Variants in ROCK2 observed in about 807,000 individuals in gnomAD.
ROCK2 encodes the protein Rho associated coiled-coil containing protein kinase 2.
Under a neutral mutation model 195.1 loss-of-function variants are expected in ROCK2, and 61 were observed. The ratio of observed to expected loss-of-function variants is 0.31; its 90% CI spans 0.25 to 0.39. The LOEUF (loss-of-function observed/expected upper bound fraction) is 0.39. Ranked by LOEUF, ROCK2 falls within the 10% of genes least tolerant of loss-of-function variation. ROCK2 has a pLI of 1.00. For missense variants in ROCK2, 1,109 were observed against 1,637.4 expected, an observed-to-expected ratio of 0.68 and a Z score of 5.57; for synonymous variants, 504 against 545.5, an observed-to-expected ratio of 0.92 and a Z score of 1.06.
intron 1 of ROCK2, among the ~76,000 whole-genome samples, chr2:11,330,289 C>T (rs1467623997): frequency 1.3e-5 from 2 of 152,112 alleles, no homozygotes; most frequent in African/African-American, 2.4e-5. Context: ...TTTAAAGATA[C>T]TTTTATTATA....
intron 5 of ROCK2, among the ~76,000 whole-genome samples, chr2:11,230,516 A>C (rs1030283755): frequency 6.6e-6 from 1 of 152,152 alleles, no homozygotes; most frequent in African/African-American, 2.4e-5. Context: ...AGTACTGTCA[A>C]ATGATAGAGA....
At position 11,323,358 on chromosome 2, in the gene ROCK2, T is replaced by C. The variant is rs964232407; in HGVS notation, c.141+20638A>G. Among the ~76,000 whole-genome samples the C allele has an allele frequency of 4.6e-5, 7 of 152,098 alleles. No homozygotes were observed. In the South Asian group the frequency reaches 8.3e-4, roughly 18 times the overall value. Reference sequence around the variant, plus strand: ...TATATCTGCCCTACATATTTCACAATTGTATTAAATGAGAAAACAAATACT... The same window carrying C: ...TATATCTGCCCTACATATTTCACAACTGTATTAAATGAGAAAACAAATACT... On this transcript the variant is annotated intron_variant, in intron 1 of 32. Coordinates refer to ENST00000315872, the MANE Select transcript of ROCK2 (RefSeq NM_004850.5).
intron 3 of ROCK2, among the ~76,000 whole-genome samples, chr2:11,262,491 G>C (rs576589636): frequency 1.3e-5 from 2 of 152,282 alleles, no homozygotes; most frequent in Admixed American, 6.5e-5. Flanking sequence ...TTGTGGGAGG[G>C]ACCCAGTGGG....
intron 1 of ROCK2, among the ~76,000 whole-genome samples, chr2:11,324,926 T>C (rs1351185913): frequency 6.6e-6 from 1 of 151,562 alleles, no homozygotes; most frequent in African/African-American, 2.4e-5. Context: ...ATTACCATTT[T>C]TCCATTAGCC....
chr2:11,197,041 T>C lies in ROCK2; in HGVS notation c.3448+139A>G, dbSNP rs1300116127. 1 of 466,380 alleles carries C rather than the reference T, an allele frequency of 2.1e-6. No individual in the cohort carries two copies. Among genetic ancestry groups the C allele is most frequent in the African/African-American group, 2.0e-5 (1 of 49,538 alleles). The allele number at this position is 466,380 out of a possible 1,614,324, so 28.9% of individuals were successfully genotyped here. A position where few individuals can be genotyped will look rare whatever the true frequency, so the allele number is the denominator to read the frequency against. On this transcript the variant is annotated intron_variant, in intron 27 of 32. Transcript: ENST00000315872. The surrounding 1 kb of genome is among the most constrained non-coding windows in gnomAD (Gnocchi z 4.9). ...AATAAAATAAGTTTGAAATGTTACT[T>C]GAATCCTTACTCCAAGGAGTAGGTT...
chr2:11,255,264 A>C (rs1665988890), intron 3 of ROCK2, among the ~76,000 whole-genome samples: 1 of 150,350 alleles, frequency 6.7e-6, no homozygotes, highest in Non-Finnish European at 1.5e-5. Flanking sequence ...ATCTTTCCAC[A>C]CATCTACATT....
chr2:11,340,354 A>C lies in ROCK2; in HGVS notation c.141+3642T>G, dbSNP rs1412382755. Among the ~76,000 whole-genome samples, 4 of 152,336 alleles carry C rather than the reference A, an allele frequency of 2.6e-5. No individual in the cohort carries two copies. In the East Asian group the frequency reaches 7.7e-4, roughly 29 times the overall value. On this transcript the variant is annotated intron_variant, in intron 1 of 32. Coordinates refer to ENST00000315872, the MANE Select transcript of ROCK2 (RefSeq NM_004850.5). ...ATGTTATCATCAAATACATTTTACC[A>C]AAAACTGGGTTTTTTATATATCAAA...
intron 1 of ROCK2, among the ~76,000 whole-genome samples, chr2:11,333,605 T>C (rs536341067): frequency 8.6e-4 from 131 of 152,324 alleles, no homozygotes; most frequent in African/African-American, 3.1e-3. Flanking sequence ...GCTTAATACC[T>C]GACAAATTCT....
chr2:11,259,830 G>A (rs1427562944), intron 3 of ROCK2, among the ~76,000 whole-genome samples: 2 of 151,256 alleles, frequency 1.3e-5, no homozygotes, highest in East Asian at 1.9e-4. Flanking sequence ...TAAATGCAAA[G>A]AGCCAAGTAA....
At chr2:11,255,012 T>C (rs2148135544) in intron 3 of ROCK2, among the ~76,000 whole-genome samples, 1 of 151,860 alleles carries the variant, frequency 6.6e-6, no homozygotes, top group East Asian at 1.9e-4. Context: ...GGTCAGGAGA[T>C]TGAGACCATC....
At chr2:11,294,122 A>C (rs1408915488) in intron 1 of ROCK2, among the ~76,000 whole-genome samples, 3 of 152,040 alleles carry the variant, frequency 2.0e-5, no homozygotes, top group African/African-American at 7.2e-5. Context: ...GTGCCACTGC[A>C]CTCCAGCCTG....
chr2:11,312,780 A>G (rs1440586260), intron 1 of ROCK2, among the ~76,000 whole-genome samples: 4 of 152,140 alleles, frequency 2.6e-5, no homozygotes, highest in Non-Finnish European at 4.4e-5. Context: ...ATGGAATATT[A>G]TTCAGCAATA....
chr2:11,198,615 T>A lies in ROCK2; in HGVS notation c.3005-30A>T, dbSNP rs137882883. 7 of 1,588,854 alleles carry A rather than the reference T, an allele frequency of 4.4e-6. No individual in the cohort carries two copies. The African/African-American group carries it at 6.7e-5, about 15-fold the overall frequency. On this transcript the variant is annotated intron_variant, in intron 24 of 32. Coordinates refer to ENST00000315872, the MANE Select transcript of ROCK2 (RefSeq NM_004850.5). ...AACATGGAAAAAAGTTAAAATTACATTGGTAATTACAGCAGCTGATAAACA... is the reference window on the plus strand; with the variant it reads ...AACATGGAAAAAAGTTAAAATTACAATGGTAATTACAGCAGCTGATAAACA...
chr2:11,332,944 ATAT>A (rs1668814799), intron 1 of ROCK2, among the ~76,000 whole-genome samples: 1 of 152,222 alleles, frequency 6.6e-6, no homozygotes, highest in Non-Finnish European at 1.5e-5. Flanking sequence ...GATTCCACTT[ATAT>A]GGAATTTACA....
intron 20 of ROCK2, among the ~76,000 whole-genome samples, chr2:11,205,160 C>G (rs1277154725): frequency 6.6e-6 from 1 of 152,164 alleles, no homozygotes; most frequent in Non-Finnish European, 1.5e-5. Flanking sequence ...CCCAATTACT[C>G]TGTAGAGGAG....
chr2:11,305,443 G>C (rs905444672), intron 1 of ROCK2, among the ~76,000 whole-genome samples: 12 of 62,990 alleles, frequency 1.9e-4, no homozygotes, highest in African/African-American at 5.9e-4. Context: ...CTGTGTGGGT[G>C]TACACACACA....
At chr2:11,344,920 C>G (rs1286730345), upstream of ROCK2, among the ~76,000 whole-genome samples, 2 of 135,666 alleles carry the variant, frequency 1.5e-5, no homozygotes. This position sits in a 1 kb window ranked among gnomAD's most constrained non-coding sequence, Gnocchi z 5.4. Context: ...CGGGTCCTTC[C>G]GCGCGCCCCC....
rs139971476 is a variant in ROCK2 at position 11,180,701 on chromosome 2, C to T, written c.*2736G>A. On this transcript the variant is annotated 3_prime_UTR_variant, in exon 33 of 33. Coordinates refer to ENST00000315872, the MANE Select transcript of ROCK2 (RefSeq NM_004850.5). ...GAGAAATCAGGTGTGAAGGAACAAGCAAATTTTAGTCTTATATTTATCTTG... is the reference window on the plus strand; with the variant it reads ...GAGAAATCAGGTGTGAAGGAACAAGTAAATTTTAGTCTTATATTTATCTTG... 1.3e-5 allele frequency: 2 copies of T among 152,034 alleles called. No individual in the cohort carries two copies. The highest frequency in any genetic ancestry group is 4.8e-5 in the African/African-American group (2 of 41,398). 9.4% of individuals were successfully genotyped at this position (152,034 alleles called of 1,614,324 possible).
intron 32 of ROCK2, among the ~76,000 whole-genome samples, chr2:11,187,740 G>C (rs531290170): frequency 2.0e-4 from 30 of 152,164 alleles, no homozygotes; most frequent in Admixed American, 1.6e-3. Flanking sequence ...CTTTGGCTTT[G>C]TTTTCTTTGC....
Sources: gnomAD v4.1 joint callset for allele counts (sites outside exome capture counted in the v4.1 genomes callset) on GRCh38, gnomAD v4.1.1 for gene constraint, Gnocchi (gnomAD v3.1) non-coding constraint, MANE v1.5 for transcripts, NCBI Gene and HGNC (gene_info 2026-07-23, HGNC 2026-07-21) for gene names.